The following ZSCAN26 variants were observed in gnomAD, a reference collection of about 807,000 sequenced individuals.
The protein encoded by ZSCAN26 is zinc finger and SCAN domain-containing protein 26.
In ZSCAN26, 26 loss-of-function variants were observed where a neutral mutation model predicts 23.0. The ratio of observed to expected loss-of-function variants is 1.13; its 90% CI spans 0.83 to 1.57. The LOEUF (loss-of-function observed/expected upper bound fraction) is 1.57, where lower values mean the gene tolerates loss of function less well. ZSCAN26 is among the 40% of genes most tolerant of loss of function. The pLI, the probability that ZSCAN26 is intolerant of heterozygous loss-of-function variation, is 0.00. For missense variants in ZSCAN26, 528 were observed against 568.5 expected, an observed-to-expected ratio of 0.93 and a Z score of 0.72; for synonymous variants, 180 against 202.5, an observed-to-expected ratio of 0.89 and a Z score of 0.94.
intron 1 of ZSCAN26, 71 bp from the exon 2 acceptor site, chr6:28,271,783 C>T: frequency 1.3e-6 from 1 of 791,098 alleles, no homozygotes; most frequent in Non-Finnish European, 2.0e-6. Context: ...ATGTATAAAC[C>T]CAAGAAAATG....
At chr6:28,269,063 A>G (rs564072805) in intron 1 of ZSCAN26, among the ~76,000 whole-genome samples, 2 of 152,148 alleles carry the variant, frequency 1.3e-5, no homozygotes, top group East Asian at 3.9e-4. Context: ...CAGTAAGCCA[A>G]GATTGCGCTG....
chr6:28,273,021 A>G (rs1778484), intron 3 of ZSCAN26, among the ~76,000 whole-genome samples: 76,674 of 152,096 alleles, frequency 0.5, 23,718 homozygotes, highest in African/African-American at 0.87. Flanking sequence ...GATAAGAGAT[A>G]TCTATCACCC....
At chr6:28,271,362 TTTTC>T (rs1404993950) in intron 1 of ZSCAN26, among the ~76,000 whole-genome samples, 19 of 152,090 alleles carry the variant, frequency 1.2e-4, no homozygotes, top group African/African-American at 2.4e-5. Flanking sequence ...TTTCTTTTCT[TTTTC>T]TTTCTTTCTT....
chr6:28,276,056 T>C (rs1215559021), intron 3 of ZSCAN26, 139 bp from the exon 4 acceptor site: 1 of 721,136 alleles, frequency 1.4e-6, no homozygotes, highest in East Asian at 2.7e-5. Context: ...TCTGTAACTA[T>C]TTTACGCAAT....
At chr6:28,268,428 C>G (rs1761532770) in intron 1 of ZSCAN26, among the ~76,000 whole-genome samples, 1 of 152,144 alleles carries the variant, frequency 6.6e-6, no homozygotes, top group African/African-American at 2.4e-5. Flanking sequence ...ATGTTTTGAA[C>G]TTGATCCTAA....
Position 28,276,261 on chromosome 6 carries a change from C to T in ZSCAN26, c.605C>T (p.Ser202Leu). 1.2e-6 allele frequency: 2 copies of T among 1,613,904 alleles called. No homozygotes were observed. The highest frequency in any genetic ancestry group is 8.5e-7 in the Non-Finnish European group (1 of 1,179,866). The change falls in exon 4 of 4, where the codon TCA (serine) becomes TTA (leucine). Residue 202 changes from serine (S) to leucine (L), a missense_variant. Physicochemically the swap from Ser to Leu is moderately radical, Grantham distance 145. Coordinates refer to ENST00000421553, the MANE Select transcript of ZSCAN26 (RefSeq NM_001023560.4). ...ACAGACTCTTGTGGAAGAGTAGAGTCATCTGGGAAAATATCTGAACCCATG... is the reference window on the plus strand; with the variant it reads ...ACAGACTCTTGTGGAAGAGTAGAGTTATCTGGGAAAATATCTGAACCCATG... ...VVTDSCGRVESSGKISEPMEA... is the reference protein window; with the variant it reads ...VVTDSCGRVELSGKISEPMEA...
intron 1 of ZSCAN26, among the ~76,000 whole-genome samples, chr6:28,267,739 T>C (rs1581604621): frequency 6.6e-6 from 1 of 152,206 alleles, no homozygotes; most frequent in East Asian, 1.9e-4. Flanking sequence ...AATTTTGTCT[T>C]TTTTTGGTGT....
intron 1 of ZSCAN26, 198 bp downstream of exon 1, chr6:28,267,411 A>G (rs1761489845): frequency 6.6e-6 from 1 of 152,128 alleles, no homozygotes; most frequent in Non-Finnish European, 1.5e-5. Flanking sequence ...CTTCTGCTGC[A>G]TATTTTTCAT....
intron 1 of ZSCAN26, among the ~76,000 whole-genome samples, chr6:28,270,394 T>C (rs978850334): frequency 6.6e-6 from 1 of 152,178 alleles, no homozygotes; most frequent in East Asian, 1.9e-4. Flanking sequence ...TGACAGATGG[T>C]GTTTCACTGA....
At chr6:28,274,649 A>G (rs1761863671) in intron 3 of ZSCAN26, among the ~76,000 whole-genome samples, 1 of 152,142 alleles carries the variant, frequency 6.6e-6, no homozygotes, top group African/African-American at 2.4e-5. Context: ...CTGAGGCAAG[A>G]GGATTGCTTG....
chr6:28,271,518 C>G (rs1161172019), intron 1 of ZSCAN26, among the ~76,000 whole-genome samples: 1 of 152,046 alleles, frequency 6.6e-6, no homozygotes, highest in African/African-American at 2.4e-5. Flanking sequence ...GCCACCATGC[C>G]TGGTGTCACT....
At position 28,272,012 on chromosome 6, in the gene ZSCAN26, T is replaced by C. The variant is rs772440763; in HGVS notation, c.93T>C (p.Thr31=). 92 of 1,551,626 alleles carry C rather than the reference T, an allele frequency of 5.9e-5. No individual in the cohort carries two copies. The highest frequency in any genetic ancestry group is 7.8e-5 in the Non-Finnish European group (89 of 1,147,014). The change falls in exon 2 of 4, where the codon ACT becomes ACC. Residue 31 remains threonine, a synonymous_variant. Coordinates refer to ENST00000421553, the MANE Select transcript of ZSCAN26 (RefSeq NM_001023560.4). Reference sequence around the variant, plus strand: ...TAGTGAGGGAGGATCACTACTCTACTTGGGAACAGGGATTCAAGCTGCAAG... The same window carrying C: ...TAGTGAGGGAGGATCACTACTCTACCTGGGAACAGGGATTCAAGCTGCAAG... ...LRVVREDHYS[T]WEQGFKLQGN... is the part of the protein sequence containing the mutation.
In ZSCAN26 at chr6:28,272,078, A is replaced by G; in HGVS notation, c.159A>G (p.Gln53=). Residue 53 remains glutamine, a synonymous_variant, in exon 2 of 4, where the codon CAA becomes CAG. Transcript: ENST00000421553. ...TTGGACAGGAGCCATTGTGCAAACA[A>G]TTCAGGCAGTTGCGTTATGAAGAGA... ...KGLGQEPLCK[Q]FRQLRYEETT... is the part of the protein sequence containing the mutation. 2 of 1,568,164 alleles carry G rather than the reference A, an allele frequency of 1.3e-6. No homozygotes were observed. Among genetic ancestry groups the G allele is most frequent in the Non-Finnish European group, 8.6e-7 (1 of 1,156,100 alleles).
rs766041260 is a variant in ZSCAN26, at chr6:28,272,317, T to C, written c.398T>C (p.Leu133Pro). 5.8e-6 allele frequency: 9 copies of C among 1,552,002 alleles called. No individual in the cohort carries two copies. In the South Asian group the frequency reaches 1.1e-4, roughly 19 times the overall value. The change falls in exon 2 of 4, where the codon CTT becomes CCT. Residue 133 changes from leucine to proline, a missense_variant. Coordinates refer to ENST00000421553, the MANE Select transcript of ZSCAN26 (RefSeq NM_001023560.4). ...GTTCTGGAGGATTTGCAGCTGGATC[T>C]TGGAGAAACAGGACAACAGGTGGTA... The part of the protein sequence containing the change: ...VVVLEDLQLD[L>P]GETGQQVDPD...
At position 28,277,026 on chromosome 6, in the gene ZSCAN26, G is replaced by T. The variant is rs1262505908; in HGVS notation, c.1370G>T (p.Gly457Val). ...EEKPYQCSEC[G>V]EAFRQRSGLF... is the part of the protein sequence containing the mutation. ...AAACCCTATCAGTGTAGTGAATGTG[G>T]AGAAGCCTTCAGGCAAAGGTCAGGT... Residue 457 changes from glycine (G) to valine (V), a missense_variant, in exon 4 of 4, where the codon GGA becomes GTA. By Grantham distance (109) the Gly-to-Val change is moderately radical (BLOSUM62 -3). Coordinates refer to ENST00000421553, the MANE Select transcript of ZSCAN26 (RefSeq NM_001023560.4). 5 of 1,614,020 alleles carry T rather than the reference G, an allele frequency of 3.1e-6. No individual in the cohort carries two copies. Among genetic ancestry groups the T allele is most frequent in the Non-Finnish European group, 4.2e-6 (5 of 1,179,868 alleles).
chr6:28,269,114 AAG>A (rs1761572321), intron 1 of ZSCAN26, among the ~76,000 whole-genome samples: 1 of 102,816 alleles, frequency 9.7e-6, no homozygotes, highest in South Asian at 3.0e-4. Context: ...CTCCATTTCA[AAG>A]AAAAAAAAAA....
Position 28,272,093 on chromosome 6 carries a change from T to A in ZSCAN26, c.174T>A (p.Arg58=). The stretch of plus-strand genomic sequence containing the variant: ...TGTGCAAACAATTCAGGCAGTTGCG[T>A]TATGAAGAGACCACAGGACCTCGAG... ...EPLCKQFRQL[R]YEETTGPREA... The change falls in exon 2 of 4, where the codon CGT becomes CGA. Residue 58 remains arginine (R), a synonymous_variant. Transcript: ENST00000421553. 1 of 1,583,294 alleles carries A rather than the reference T, an allele frequency of 6.3e-7. No individual in the cohort carries two copies. Among genetic ancestry groups the A allele is most frequent in the Non-Finnish European group, 8.6e-7 (1 of 1,164,278 alleles).
intron 3 of ZSCAN26, among the ~76,000 whole-genome samples, chr6:28,273,635 C>T (rs1267840724): frequency 6.7e-6 from 1 of 150,352 alleles, no homozygotes; most frequent in African/African-American, 2.4e-5. Flanking sequence ...TTTAACATTT[C>T]CTTCAAATTA....
At chr6:28,274,323 A>G (rs1761848088) in intron 3 of ZSCAN26, among the ~76,000 whole-genome samples, 1 of 152,206 alleles carries the variant, frequency 6.6e-6, no homozygotes, top group Non-Finnish European at 1.5e-5. Context: ...TCAGCTTCAA[A>G]TTACCTTTCT....
Sources: gnomAD v4.1 joint callset for allele counts (sites outside exome capture counted in the v4.1 genomes callset) on GRCh38, gnomAD v4.1.1 for gene constraint, MANE v1.5 for transcripts, NCBI Gene and HGNC (gene_info 2026-07-23, HGNC 2026-07-21) for gene names.